Variants in LRRC7 observed in about 807,000 individuals in gnomAD.
The protein encoded by LRRC7 is leucine rich repeat containing 7.
A neutral mutation model predicts 175.7 loss-of-function variants in LRRC7; 23 were observed. That is an observed-to-expected ratio of 0.13 (90% CI 0.09 to 0.19). The LOEUF (loss-of-function observed/expected upper bound fraction) is 0.19, where lower values mean the gene tolerates loss of function less well. LRRC7 is among the 10% of genes least tolerant of loss of function. The pLI is 1.00. For missense variants in LRRC7, 1,354 were observed against 1,904.7 expected (o/e 0.71, Z 5.38); for synonymous variants, 685 against 680.9 (o/e 1.01, Z -0.09).
chr1:69,919,076 A>G (rs1041514550), intron 7 of LRRC7, among the ~76,000 whole-genome samples: 1 of 152,182 alleles, frequency 6.6e-6, no homozygotes, highest in Non-Finnish European at 1.5e-5. Context: ...AATCGATCAA[A>G]TTTAAACTAC....
intron 18 of LRRC7, among the ~76,000 whole-genome samples, chr1:70,030,038 T>G (rs1217101902): frequency 6.6e-6 from 1 of 152,116 alleles, no homozygotes; most frequent in Non-Finnish European, 1.5e-5. Flanking sequence ...CCACTTCCTA[T>G]CTCTTCCAAA....
intron 5 of LRRC7, 148 bp downstream of exon 5, chr1:69,825,974 A>G: frequency 2.0e-6 from 1 of 507,616 alleles, no homozygotes; most frequent in Non-Finnish European, 3.3e-6. Context: ...TAATCAGAAT[A>G]GTTTGACAAA....
intron 1 of LRRC7, among the ~76,000 whole-genome samples, chr1:69,622,514 G>T (rs987625694): frequency 1.3e-5 from 2 of 152,082 alleles, no homozygotes; most frequent in Non-Finnish European, 2.9e-5. Context: ...TTCTAAAACT[G>T]GAATAAGACA....
chr1:69,679,469 T>A (rs1335037880), intron 2 of LRRC7, among the ~76,000 whole-genome samples: 3 of 152,094 alleles, frequency 2.0e-5, no homozygotes, highest in Non-Finnish European at 4.4e-5. Flanking sequence ...TATTATAAAG[T>A]TAATAGATAA....
At chr1:70,096,347 T>G (rs1664396520) in intron 25 of LRRC7, among the ~76,000 whole-genome samples, 1 of 152,212 alleles carries the variant, frequency 6.6e-6, no homozygotes, top group Admixed American at 6.5e-5. Context: ...AAGTATCTGA[T>G]TCTAAGTACA....
chr1:70,016,603 A>G, intron 14 of LRRC7, 69 bp downstream of exon 14: 2 of 1,203,254 alleles, frequency 1.7e-6, no homozygotes. Flanking sequence ...TTACTAATTT[A>G]TTCCCAATAG....
intron 26 of LRRC7, among the ~76,000 whole-genome samples, chr1:70,117,961 C>T (rs115120466): frequency 0.012 from 1,753 of 152,018 alleles, 36 homozygotes; most frequent in African/African-American, 0.04. Flanking sequence ...TAGACATGCA[C>T]GTAAATCATA....
intron 7 of LRRC7, among the ~76,000 whole-genome samples, chr1:69,885,297 T>G (rs1305075777): frequency 6.9e-6 from 1 of 144,942 alleles, no homozygotes; most frequent in African/African-American, 2.7e-5. Context: ...TTTCAGCTCC[T>G]GTTATTGGTC....
intron 4 of LRRC7, among the ~76,000 whole-genome samples, chr1:69,793,238 G>A (rs1280839193): frequency 6.6e-6 from 1 of 152,082 alleles, no homozygotes; most frequent in East Asian, 1.9e-4. Flanking sequence ...AACATGAAGG[G>A]CATGCCTAGA....
chr1:70,125,811 A>AAAGAG lies in LRRC7; in HGVS notation c.*3925_*3926insAGAGA, dbSNP rs1666427433. On this transcript the variant is annotated 3_prime_UTR_variant, in exon 27 of 27. Transcript: ENST00000651989. ...CGTCTCAAAAAAAAAAAAAAAAAAA[A>AAAGAG]AGAGAAGATTCAGAGGGGAGAAAAC... 6.7e-6 allele frequency among the ~76,000 whole-genome samples: 1 copy of AAAGAG among 149,992 alleles called. No individual in the cohort carries two copies. Among genetic ancestry groups the AAAGAG allele is most frequent in the African/African-American group, 2.5e-5 (1 of 40,620 alleles).
At chr1:69,962,983 A>G (rs1210183713) in intron 8 of LRRC7, among the ~76,000 whole-genome samples, 1 of 152,006 alleles carries the variant, frequency 6.6e-6, no homozygotes, top group East Asian at 1.9e-4. Context: ...CGAACTTAAA[A>G]TAAAAGTTTT....
chr1:70,080,043 C>G (rs1277190576), intron 24 of LRRC7, among the ~76,000 whole-genome samples: 1 of 152,178 alleles, frequency 6.6e-6, no homozygotes, highest in East Asian at 1.9e-4. Flanking sequence ...CCTAATCTCA[C>G]TGTAAAATTC....
At chr1:69,919,429 T>G (rs1329628333) in intron 7 of LRRC7, 1 of 925,134 alleles carries the variant, frequency 1.1e-6, no homozygotes, top group Non-Finnish European at 1.7e-6. Flanking sequence ...AGGGTACTAC[T>G]TCAACCACAT....
intron 11 of LRRC7, among the ~76,000 whole-genome samples, chr1:70,000,954 C>G (rs902717758): frequency 2.6e-5 from 4 of 152,098 alleles, no homozygotes; most frequent in African/African-American, 9.7e-5. Context: ...GACTTTCCAC[C>G]AATATAATCA....
At chr1:70,080,088 TATTA>T (rs1663095422) in intron 24 of LRRC7, among the ~76,000 whole-genome samples, 1 of 152,192 alleles carries the variant, frequency 6.6e-6, no homozygotes, top group African/African-American at 2.4e-5. Flanking sequence ...TGTCAAATGA[TATTA>T]ATTAAACCTG....
chr1:69,859,528 T>C (rs1348058923), intron 7 of LRRC7, among the ~76,000 whole-genome samples: 1 of 152,102 alleles, frequency 6.6e-6, no homozygotes, highest in Non-Finnish European at 1.5e-5. Context: ...TGAAGGTTTT[T>C]ATTATTAGTT....
Position 70,038,272 on chromosome 1 carries a change from G to GTT in LRRC7, c.2450_2451dup (p.Val818LeufsTer17). 1 of 1,614,126 alleles carries GTT rather than the reference G, an allele frequency of 6.2e-7. No homozygotes were observed. The highest frequency in any genetic ancestry group is 1.1e-5 in the South Asian group (1 of 91,078). ...ATGGCTCGCATTATGACAACACAGG[G>GTT]TTTGTTGCTGAGGAAACCACAGCCG... On this transcript the variant is annotated frameshift_variant, in exon 21 of 27. Coordinates refer to ENST00000651989, the MANE Select transcript of LRRC7 (RefSeq NM_001370785.2). LOFTEE classifies it high-confidence loss of function.
chr1:70,036,239 CTG>C lies in LRRC7; in HGVS notation c.2107+10_2107+11del. ...CTAGGGAAGGACAAAAAAGGTAACA[CTG>C]TGAACCCAATGTGGAAAATATGCTA... is the stretch of plus-strand genomic sequence containing the variant. On this transcript the variant is annotated splice_region_variant and intron_variant, in intron 19 of 26. Transcript: ENST00000651989. 6.2e-7 allele frequency: 1 copy of C among 1,600,152 alleles called. No individual in the cohort carries two copies. The highest frequency in any genetic ancestry group is 8.5e-7 in the Non-Finnish European group (1 of 1,172,158).
chr1:69,834,579 A>G (rs550647721), intron 5 of LRRC7, among the ~76,000 whole-genome samples: 172 of 152,256 alleles, frequency 1.1e-3, no homozygotes, highest in African/African-American at 4.0e-3. Context: ...ATGGAAGTGG[A>G]TAAATGCTAT....
Sources: gnomAD v4.1 joint callset for allele counts (sites outside exome capture counted in the v4.1 genomes callset) on GRCh38, gnomAD v4.1.1 for gene constraint, MANE v1.5 for transcripts, NCBI Gene and HGNC (gene_info 2026-07-23, HGNC 2026-07-21) for gene names.